RGS18: variants seen among roughly 807,000 people sequenced by gnomAD.
The protein encoded by RGS18 is regulator of G-protein signaling 18.
Under a neutral mutation model 27.6 loss-of-function variants are expected in RGS18, and 22 were observed. The ratio of observed to expected loss-of-function variants is 0.80; its 90% CI spans 0.57 to 1.14. The LOEUF (loss-of-function observed/expected upper bound fraction) is 1.14, where lower values mean the gene tolerates loss of function less well. RGS18 is among the 50% of genes most tolerant of loss of function. The probability of loss-of-function intolerance (pLI) is 0.00; values close to 1 mark genes in which losing one functional copy is unlikely to be tolerated. For synonymous variants in RGS18, 89 were observed against 84.6 expected (o/e 1.05, Z -0.29); for missense variants, 299 against 269.6 (o/e 1.11, Z -0.76).
At chr1:192,175,367 T>G (rs778092117) in intron 3 of RGS18, among the ~76,000 whole-genome samples, 13 of 151,856 alleles carry the variant, frequency 8.6e-5, no homozygotes, top group Non-Finnish European at 1.8e-4. Context: ...CATAGGAGTC[T>G]AAATTATGTG....
rs753541650 is a variant in RGS18, at chr1:192,181,425, T to C, written c.417T>C (p.Tyr139=). Residue 139 remains tyrosine (Y), a synonymous_variant, in exon 4 of 5, where the codon TAT becomes TAC. Coordinates refer to ENST00000367460, the MANE Select transcript of RGS18 (RefSeq NM_130782.3). The stretch of plus-strand genomic sequence containing the variant: ...TTCACCTTAAAGCAAAAGCAATATA[T>C]GAGAAATTTATACAGACTGATGCCC... ...QQIHLKAKAI[Y]EKFIQTDAPK... The C allele has an allele frequency of 1.3e-6, 2 of 1,582,132 alleles. No individual in the cohort carries two copies. The highest frequency in any genetic ancestry group is 2.3e-5 in the East Asian group (1 of 43,226).
chr1:192,170,099 G>A (rs1656229623), intron 3 of RGS18, among the ~76,000 whole-genome samples: 2 of 152,202 alleles, frequency 1.3e-5, no homozygotes, highest in Non-Finnish European at 2.9e-5. Flanking sequence ...GTTCAGGCCA[G>A]TTGGTGCATA....
At chr1:192,180,030 A>T (rs765394128) in intron 3 of RGS18, among the ~76,000 whole-genome samples, 4 of 151,634 alleles carry the variant, frequency 2.6e-5, no homozygotes, top group Non-Finnish European at 5.9e-5. Flanking sequence ...CAAAATAAAA[A>T]AGTTTAACTT....
intron 3 of RGS18, among the ~76,000 whole-genome samples, chr1:192,174,382 C>G (rs1049036180): frequency 1.3e-5 from 2 of 151,652 alleles, no homozygotes; most frequent in Non-Finnish European, 3.0e-5. Context: ...GGATAATATT[C>G]CCTGTGCATT....
chr1:192,165,158 G>A (rs1475401992), intron 3 of RGS18, among the ~76,000 whole-genome samples: 2 of 152,120 alleles, frequency 1.3e-5, no homozygotes, highest in South Asian at 2.1e-4. Flanking sequence ...GGCCGCTCTG[G>A]GAGTGTCTGC....
intron 3 of RGS18, among the ~76,000 whole-genome samples, chr1:192,170,294 G>C (rs1329152267): frequency 6.6e-6 from 1 of 152,152 alleles, no homozygotes; most frequent in African/African-American, 2.4e-5. Context: ...GGAGACATTT[G>C]GGTCACGGAG....
chr1:192,161,690 TA>T (rs1656076438), intron 3 of RGS18, among the ~76,000 whole-genome samples: 1 of 152,158 alleles, frequency 6.6e-6, no homozygotes, highest in Non-Finnish European at 1.5e-5. Context: ...TTAGCCAGAC[TA>T]CTCTAACTAC....
In RGS18 at chr1:192,161,129, C is replaced by T. The variant is rs920046117; in HGVS notation, c.283+690C>T. On this transcript the variant is annotated intron_variant, in intron 3 of 4. Coordinates refer to ENST00000367460, the MANE Select transcript of RGS18 (RefSeq NM_130782.3). ...CCTCCCAAAGTGCTGGGATTACAGG[C>T]GTGAACCACTGCGCCCCGCTCCATA... Among the ~76,000 whole-genome samples, 6 of 152,194 alleles carry T rather than the reference C, an allele frequency of 3.9e-5. 1 individual carries two copies. In the East Asian group the frequency reaches 5.8e-4, roughly 15 times the overall value.
At chr1:192,172,864 C>CATATATATATATATATATATATATATAT (rs549568195) in intron 3 of RGS18, among the ~76,000 whole-genome samples, 5 of 135,542 alleles carry the variant, frequency 3.7e-5, no homozygotes, top group South Asian at 2.4e-4. Context: ...GAAAAATATG[C>CATATATATATATATATATATATATATAT]ATATATATAT....
intron 3 of RGS18, chr1:192,163,522 ACT>A (rs1424085553): frequency 6.6e-6 from 1 of 152,032 alleles, no homozygotes; most frequent in Non-Finnish European, 1.5e-5. Context: ...CGAATTTGCT[ACT>A]CTCTCTTTTC....
At chr1:192,173,009 T>A (rs1656290819) in intron 3 of RGS18, among the ~76,000 whole-genome samples, 1 of 150,974 alleles carries the variant, frequency 6.6e-6, no homozygotes, top group African/African-American at 2.4e-5. Context: ...TTAAATGAGG[T>A]AATGTATATA....
intron 3 of RGS18, among the ~76,000 whole-genome samples, chr1:192,172,864 CAT>C (rs549568195): frequency 4.2e-4 from 57 of 135,528 alleles, no homozygotes; most frequent in East Asian, 9.4e-4. Flanking sequence ...GAAAAATATG[CAT>C]ATATATATAT....
chr1:192,177,232 C>T (rs915869009), intron 3 of RGS18, among the ~76,000 whole-genome samples: 1 of 151,176 alleles, frequency 6.6e-6, no homozygotes, highest in East Asian at 1.9e-4. Context: ...ATATTTTTGT[C>T]CATATTCACA....
At chr1:192,162,718 T>C (rs917748982) in intron 3 of RGS18, among the ~76,000 whole-genome samples, 3 of 152,230 alleles carry the variant, frequency 2.0e-5, no homozygotes, top group Non-Finnish European at 4.4e-5. Context: ...TTACAATAAC[T>C]TGTGTAAAAC....
intron 4 of RGS18, 44 bp downstream of exon 4, chr1:192,181,502 T>A (rs770453710): frequency 3.1e-5 from 41 of 1,306,068 alleles, no homozygotes; most frequent in Non-Finnish European, 3.6e-5. Flanking sequence ...GCTTTCAAAA[T>A]TTTTTAATAA....
chr1:192,164,425 C>A lies in RGS18; in HGVS notation c.283+3986C>A, dbSNP rs1019425667. Reference sequence around the variant, plus strand: ...GGTCACTGATTTTTGCTCTATTCCACAGAAATCAAATGATTCAGGGAGGTG... The same window carrying A: ...GGTCACTGATTTTTGCTCTATTCCAAAGAAATCAAATGATTCAGGGAGGTG... On this transcript the variant is annotated intron_variant, in intron 3 of 4. Coordinates refer to ENST00000367460, the MANE Select transcript of RGS18 (RefSeq NM_130782.3). Among the ~76,000 whole-genome samples the A allele has an allele frequency of 3.9e-5, 6 of 151,942 alleles. 1 individual carries two copies. Among genetic ancestry groups the A allele is most frequent in the African/African-American group, 1.5e-4 (6 of 41,346 alleles).
chr1:192,158,811 T>C (rs1472065772), intron 1 of RGS18, 55 bp downstream of exon 1: 2 of 1,173,564 alleles, frequency 1.7e-6, no homozygotes, highest in African/African-American at 3.2e-5. Context: ...TAATTGAGGT[T>C]GAAGATTCAT....
chr1:192,178,048 T>C (rs1471841588), intron 3 of RGS18, among the ~76,000 whole-genome samples: 1 of 151,552 alleles, frequency 6.6e-6, no homozygotes, highest in Admixed American at 6.6e-5. Flanking sequence ...AGTTCCGGTC[T>C]AAATAAAAGT....
intron 3 of RGS18, among the ~76,000 whole-genome samples, chr1:192,179,482 A>G (rs913292740): frequency 5.9e-5 from 9 of 151,766 alleles, no homozygotes; most frequent in East Asian, 2.0e-4. Context: ...ACTTGTGAAC[A>G]TTTTATAAAA....
Sources: gnomAD v4.1 joint callset for allele counts (sites outside exome capture counted in the v4.1 genomes callset) on GRCh38, gnomAD v4.1.1 for gene constraint, MANE v1.5 for transcripts, NCBI Gene and HGNC (gene_info 2026-07-23, HGNC 2026-07-21) for gene names.